TMEM150A: variants seen among roughly 807,000 people sequenced by gnomAD.
The protein encoded by TMEM150A is fasting-inducible integral membrane protein TM6P1.
TMEM150A carries 18 observed loss-of-function variants against 29.8 expected under a neutral mutation model. The ratio of observed to expected loss-of-function variants is 0.60; its 90% CI spans 0.42 to 0.90. TMEM150A has a LOEUF of 0.90. Among genes scored for constraint, TMEM150A ranks in the 40% least tolerant of loss-of-function variants. TMEM150A has a pLI of 0.00. For synonymous variants in TMEM150A, 127 were observed against 143.6 expected (o/e 0.88, Z 0.83); for missense variants, 251 against 349.7 (o/e 0.72, Z 2.25).
chr2:85,600,203 T>G, intron 5 of TMEM150A, 142 bp downstream of exon 5: 1 of 1,276,506 alleles, frequency 7.8e-7, no homozygotes, highest in Non-Finnish European at 1.1e-6. Flanking sequence ...GGAGTCAGCT[T>G]TTGGCCTTCA....
Position 85,598,942 on chromosome 2 carries a change from G to A in TMEM150A, c.*134C>T, listed in dbSNP as rs1349870475. The A allele has an allele frequency of 2.3e-6, 3 of 1,326,542 alleles. No homozygotes were observed. The highest frequency in any genetic ancestry group is 3.0e-6 in the Non-Finnish European group (3 of 987,678). 82.2% of individuals were successfully genotyped at this position (1,326,542 alleles called of 1,614,324 possible). A position where few individuals can be genotyped will look rare whatever the true frequency, so the allele number is the denominator to read the frequency against. ...CCATGGCACAGGTGGGCATGGGATGGCCACTTCTCCAGAAGTGAGGAAGCC... is the reference window on the plus strand; with the variant it reads ...CCATGGCACAGGTGGGCATGGGATGACCACTTCTCCAGAAGTGAGGAAGCC... On this transcript the variant is annotated 3_prime_UTR_variant, in exon 8 of 8. Transcript: ENST00000334462.
At position 85,599,017 on chromosome 2, in the gene TMEM150A, T is replaced by G; in HGVS notation, c.*59A>C. On this transcript the variant is annotated 3_prime_UTR_variant, in exon 8 of 8. Coordinates refer to ENST00000334462, the MANE Select transcript of TMEM150A (RefSeq NM_001031738.3). This position sits in a 1 kb window ranked among gnomAD's most constrained non-coding sequence, Gnocchi z 6.0. ...AAAATTGTTTTTGGTACGAAATAAA[T>G]GGAAAGAAGATATGGGGTGGGGTGC... is the stretch of plus-strand genomic sequence containing the variant. 6.3e-7 allele frequency: 1 copy of G among 1,575,446 alleles called. No individual in the cohort carries two copies. Among genetic ancestry groups the G allele is most frequent in the Non-Finnish European group, 8.6e-7 (1 of 1,158,846 alleles).
Position 85,601,201 on chromosome 2 carries a change from C to T in TMEM150A, c.114-94G>A. The T allele has an allele frequency of 7.3e-7, 1 of 1,362,852 alleles. No homozygotes were observed. Among genetic ancestry groups the T allele is most frequent in the Admixed American group, 2.0e-5 (1 of 51,218 alleles). 84.4% of individuals were successfully genotyped at this position (1,362,852 alleles called of 1,614,324 possible). On this transcript the variant is annotated intron_variant, in intron 3 of 7. Coordinates refer to ENST00000334462, the MANE Select transcript of TMEM150A (RefSeq NM_001031738.3). This position sits in a 1 kb window ranked among gnomAD's most constrained non-coding sequence, Gnocchi z 4.0. ...GCCTCAAAGAGGACTCTCTCCCAGACCTCCCCTACAGGGACAGAAGATCCC... is the reference window on the plus strand; with the variant it reads ...GCCTCAAAGAGGACTCTCTCCCAGATCTCCCCTACAGGGACAGAAGATCCC...
Position 85,601,717 on chromosome 2 carries a change from G to A in TMEM150A, c.65+167C>T. 1.1e-6 allele frequency: 1 copy of A among 917,370 alleles called. No individual in the cohort carries two copies. The highest frequency in any genetic ancestry group is 2.1e-5 in the Admixed American group (1 of 46,732). The allele number at this position is 917,370 out of a possible 1,614,324, so 56.8% of individuals were successfully genotyped here. On this transcript the variant is annotated intron_variant, in intron 2 of 7. Coordinates refer to ENST00000334462, the MANE Select transcript of TMEM150A (RefSeq NM_001031738.3). The surrounding 1 kb of genome is among the most constrained non-coding windows in gnomAD (Gnocchi z 4.0). ...TATATTTGTCAGGGCCACCCTGCTG[G>A]ACAGCAGTGGTGCCAGCTTGTCCCA...
Position 85,598,808 on chromosome 2 carries a change from C to G in TMEM150A, c.*268G>C, listed in dbSNP as rs565723966. The G allele has an allele frequency of 2.2e-6, 1 of 445,896 alleles. No homozygotes were observed. The highest frequency in any genetic ancestry group is 4.5e-5 in the East Asian group (1 of 22,290). 27.6% of individuals were successfully genotyped at this position (445,896 alleles called of 1,614,324 possible). ...CTTTGGCACTGGGAGTAGAAGGCAC[C>G]TGAAGGGCTGGCTGGGTGAGTGAGG... On this transcript the variant is annotated 3_prime_UTR_variant, in exon 8 of 8. Transcript: ENST00000334462.
Position 85,598,994 on chromosome 2 carries a change from A to G in TMEM150A, c.*82T>C. The stretch of plus-strand genomic sequence containing the variant: ...AGATCCCAACAGAATACTTTCTCAA[A>G]ATTGTTTTTGGTACGAAATAAATGG... On this transcript the variant is annotated 3_prime_UTR_variant, in exon 8 of 8. Coordinates refer to ENST00000334462, the MANE Select transcript of TMEM150A (RefSeq NM_001031738.3). The G allele has an allele frequency of 1.3e-6, 2 of 1,555,738 alleles. No individual in the cohort carries two copies. The highest frequency in any genetic ancestry group is 1.7e-6 in the Non-Finnish European group (2 of 1,148,744).
rs547920795 is a variant in TMEM150A, at chr2:85,598,685, C to T, written c.*391G>A. On this transcript the variant is annotated 3_prime_UTR_variant, in exon 8 of 8. Transcript: ENST00000334462. Reference sequence around the variant, plus strand: ...CAGTGGGCCCAGAAATGGGCCTTTCCGTAGGCTAAGGCGTGCCCACTCCAC... The same window carrying T: ...CAGTGGGCCCAGAAATGGGCCTTTCTGTAGGCTAAGGCGTGCCCACTCCAC... 1.5e-4 allele frequency: 32 copies of T among 209,430 alleles called. No homozygotes were observed. Among genetic ancestry groups the T allele is most frequent in the Non-Finnish European group, 2.8e-4 (28 of 101,464 alleles). 13.0% of individuals were successfully genotyped at this position (209,430 alleles called of 1,614,324 possible). A position where few individuals can be genotyped will look rare whatever the true frequency, so the allele number is the denominator to read the frequency against.
chr2:85,601,831 T>G lies in TMEM150A; in HGVS notation c.65+53A>C. 1.9e-6 allele frequency: 3 copies of G among 1,598,398 alleles called. No homozygotes were observed. The South Asian group carries it at 3.3e-5, about 18-fold the overall frequency. On this transcript the variant is annotated intron_variant, in intron 2 of 7. Coordinates refer to ENST00000334462, the MANE Select transcript of TMEM150A (RefSeq NM_001031738.3). The surrounding 1 kb of genome is among the most constrained non-coding windows in gnomAD (Gnocchi z 4.0). ...CCGTGGCTATGACAGGACAAGAGACTTTGTGTGCGTCATCAAGCTCCTGTT... is the reference window on the plus strand; with the variant it reads ...CCGTGGCTATGACAGGACAAGAGACGTTGTGTGCGTCATCAAGCTCCTGTT...
Position 85,599,886 on chromosome 2 carries a change from A to C in TMEM150A, c.396+5T>G. On this transcript the variant is annotated splice_donor_5th_base_variant and intron_variant, in intron 6 of 7. Transcript: ENST00000334462. The surrounding 1 kb of genome is among the most constrained non-coding windows in gnomAD (Gnocchi z 6.0). ...TTAAGGTTTGCAGGGGAGAAGGGGA[A>C]GCACCTGAAAGTTGCCAACCACCAA... 1 of 1,613,084 alleles carries C rather than the reference A, an allele frequency of 6.2e-7. No homozygotes were observed. The highest frequency in any genetic ancestry group is 1.1e-5 in the South Asian group (1 of 91,024).
At chr2:85,600,597 CAT>C (rs936382253) in intron 4 of TMEM150A, 185 bp from the exon 5 acceptor site, 21 of 612,846 alleles carry the variant, frequency 3.4e-5, no homozygotes, top group Non-Finnish European at 5.9e-5. Context: ...AAGCAGAGCT[CAT>C]GTGTGTGAGA....
Position 85,601,136 on chromosome 2 carries a change from G to C in TMEM150A, c.114-29C>G. ...GCAGGCAGGACAGGGAGTAGACTGG[G>C]GGAAGGGACTGCCCCCAGGCCCTTG... On this transcript the variant is annotated intron_variant, in intron 3 of 7. Transcript: ENST00000334462. This position sits in a 1 kb window ranked among gnomAD's most constrained non-coding sequence, Gnocchi z 4.0. The C allele has an allele frequency of 6.2e-7, 1 of 1,607,386 alleles. No individual in the cohort carries two copies. Among genetic ancestry groups the C allele is most frequent in the Non-Finnish European group, 8.5e-7 (1 of 1,176,470 alleles).
In TMEM150A at chr2:85,599,746, A is replaced by C; in HGVS notation, c.397-44T>G. On this transcript the variant is annotated intron_variant, in intron 6 of 7. Coordinates refer to ENST00000334462, the MANE Select transcript of TMEM150A (RefSeq NM_001031738.3). The surrounding 1 kb of genome is among the most constrained non-coding windows in gnomAD (Gnocchi z 6.0). Reference sequence around the variant, plus strand: ...CAGTTGGTGATGTGGCCATGGCCCCACCTCTCCACCCCTCCTTCAATGAAT... The same window carrying C: ...CAGTTGGTGATGTGGCCATGGCCCCCCCTCTCCACCCCTCCTTCAATGAAT... 6.3e-7 allele frequency: 1 copy of C among 1,595,924 alleles called. No homozygotes were observed. The highest frequency in any genetic ancestry group is 2.2e-5 in the East Asian group (1 of 44,612).
rs765181839 is a variant in TMEM150A, at chr2:85,600,339, A to G, written c.268+6T>C. ...ACGCAGGGTCAGGGCTAAGGGTACA[A>G]CTCACCCATGAAAGCACCCATGTTG... is the stretch of plus-strand genomic sequence containing the variant. On this transcript the variant is annotated splice_donor_region_variant and intron_variant, in intron 5 of 7. Transcript: ENST00000334462. 3 of 1,613,846 alleles carry G rather than the reference A, an allele frequency of 1.9e-6. No individual in the cohort carries two copies. The highest frequency in any genetic ancestry group is 2.5e-6 in the Non-Finnish European group (3 of 1,179,956).
At chr2:85,600,458 G>C (rs762798372) in intron 4 of TMEM150A, 46 bp from the exon 5 acceptor site, 6 of 1,502,536 alleles carry the variant, frequency 4.0e-6, no homozygotes, top group East Asian at 4.5e-5. Flanking sequence ...CAGGAGGCCC[G>C]GGGGGCCCCC....
chr2:85,599,888 C>T lies in TMEM150A; in HGVS notation c.396+3G>A. ...AAGGTTTGCAGGGGAGAAGGGGAAGCACCTGAAAGTTGCCAACCACCAAGA... is the reference window on the plus strand; with the variant it reads ...AAGGTTTGCAGGGGAGAAGGGGAAGTACCTGAAAGTTGCCAACCACCAAGA... On this transcript the variant is annotated splice_donor_region_variant and intron_variant, in intron 6 of 7. Coordinates refer to ENST00000334462, the MANE Select transcript of TMEM150A (RefSeq NM_001031738.3). The surrounding 1 kb of genome is among the most constrained non-coding windows in gnomAD (Gnocchi z 6.0). 6.2e-7 allele frequency: 1 copy of T among 1,613,250 alleles called. No homozygotes were observed.
Position 85,602,120 on chromosome 2 carries a change from G to T in TMEM150A, c.-116-56C>A. 6.4e-6 allele frequency: 4 copies of T among 623,496 alleles called. No homozygotes were observed. Among genetic ancestry groups the T allele is most frequent in the Non-Finnish European group, 1.2e-5 (4 of 340,744 alleles). 38.6% of individuals were successfully genotyped at this position (623,496 alleles called of 1,614,324 possible). A position where few individuals can be genotyped will look rare whatever the true frequency, so the allele number is the denominator to read the frequency against. ...GGTAACTGGCCGGGAAGGGGGAGGG[G>T]AAGGGGGTCAACACCTTATCCAGCG... is the stretch of plus-strand genomic sequence containing the variant. On this transcript the variant is annotated intron_variant, in intron 1 of 7. Transcript: ENST00000334462. This position sits in a 1 kb window ranked among gnomAD's most constrained non-coding sequence, Gnocchi z 5.6.
chr2:85,600,370 G>A lies in TMEM150A; in HGVS notation c.243C>T (p.Leu81=). The part of the protein sequence containing the change: ...SYPPESCLFS[L]IGNMGAFMVA... ...CCATGAAAGCACCCATGTTGCCAAT[G>A]AGGCTGAAGAGGCAGCTTTCTGGGG... Residue 81 remains leucine, a synonymous_variant, in exon 5 of 8, where the codon CTC becomes CTT. Transcript: ENST00000334462. 6.2e-7 allele frequency: 1 copy of A among 1,614,064 alleles called. No homozygotes were observed. The highest frequency in any genetic ancestry group is 2.2e-5 in the East Asian group (1 of 44,874).
In TMEM150A at chr2:85,601,037, C is replaced by T. The variant is rs745480741; in HGVS notation, c.184G>A (p.Asp62Asn). 3.1e-5 allele frequency: 50 copies of T among 1,612,454 alleles called. No individual in the cohort carries two copies. Among genetic ancestry groups the T allele is most frequent in the Non-Finnish European group, 3.8e-5 (45 of 1,179,504 alleles). The stretch of plus-strand genomic sequence containing the variant: ...AGGCCTTACCTGATGAGGGGGACAT[C>T]GTCCAGGGTGCAGCAGGTCTTGGGA... ...GGPKTCCTLD[D>N]VPLISKCGSY... The change falls in exon 4 of 8, where the codon GAT (aspartate) becomes AAT (asparagine). Residue 62 changes from aspartate (D) to asparagine (N), a missense_variant. By Grantham distance (23) the Asp-to-Asn change is conservative. Transcript: ENST00000334462. This position sits in a 1 kb window ranked among gnomAD's most constrained non-coding sequence, Gnocchi z 4.0.
In TMEM150A at chr2:85,599,372, C is replaced by G. The variant is rs773213370; in HGVS notation, c.575-55G>C. Reference sequence around the variant, plus strand: ...GGACATACGGAAACCTGGCAACACCCCTTCTGCAGTCTCAGGCCTCACCTC... The same window carrying G: ...GGACATACGGAAACCTGGCAACACCGCTTCTGCAGTCTCAGGCCTCACCTC... On this transcript the variant is annotated intron_variant, in intron 7 of 7. Transcript: ENST00000334462. This position sits in a 1 kb window ranked among gnomAD's most constrained non-coding sequence, Gnocchi z 6.0. 1.1e-4 allele frequency: 178 copies of G among 1,603,716 alleles called. 1 individual carries two copies. The highest frequency in any genetic ancestry group is 1.4e-4 in the Non-Finnish European group (165 of 1,173,200).
Sources: gnomAD v4.1 joint callset for allele counts on GRCh38, gnomAD v4.1.1 for gene constraint, Gnocchi (gnomAD v3.1) non-coding constraint, MANE v1.5 for transcripts, NCBI Gene and HGNC (gene_info 2026-07-23, HGNC 2026-07-21) for gene names.